SAMMSON: variants seen among roughly 807,000 people sequenced by gnomAD.
The protein encoded by SAMMSON is long intergenic non-protein coding RNA 1212.
chr3:70,165,356 G>A lies in SAMMSON; in HGVS notation n.508-83751G>A, dbSNP rs559063770. On this transcript the variant is annotated intron_variant and non_coding_transcript_variant, in intron 4 of 9. Transcript: ENST00000642114. ...ATTAGAGATGAGGCCTTTTGGAGGT[G>A]CTTAGATCATGAGGGCAGAGCCCCA... is the stretch of plus-strand genomic sequence containing the variant. 1.2e-4 allele frequency among the ~76,000 whole-genome samples: 19 copies of A among 152,072 alleles called. 1 individual carries two copies. The highest frequency in any genetic ancestry group is 7.8e-4 in the East Asian group (4 of 5,130).
At chr3:70,059,304 G>C (rs1314646763) in intron 3 of SAMMSON, among the ~76,000 whole-genome samples, 1 of 151,938 alleles carries the variant, frequency 6.6e-6, no homozygotes, top group African/African-American at 2.4e-5. Flanking sequence ...TAGTAGCCAG[G>C]GTTATTCAGA....
At chr3:70,199,073 A>G (rs1294731432) in intron 4 of SAMMSON, among the ~76,000 whole-genome samples, 1 of 152,212 alleles carries the variant, frequency 6.6e-6, no homozygotes, top group Non-Finnish European at 1.5e-5. Flanking sequence ...GTGATCCCTC[A>G]GGCTGAATGC....
Position 70,177,061 on chromosome 3 carries a change from G to T in SAMMSON, n.508-72046G>T, listed in dbSNP as rs559908683. ...GTATATACAAGAAAGATGATGCAGG[G>T]TGTTGAAGATCAGACATCCACCTAT... On this transcript the variant is annotated intron_variant and non_coding_transcript_variant, in intron 4 of 9. Coordinates refer to ENST00000642114, the Ensembl canonical transcript of SAMMSON. Among the ~76,000 whole-genome samples the T allele has an allele frequency of 2.0e-5, 3 of 152,306 alleles. No homozygotes were observed. The South Asian group carries it at 6.2e-4, about 32-fold the overall frequency.
chr3:70,084,047 T>C (rs919962124), intron 4 of SAMMSON, among the ~76,000 whole-genome samples: 2 of 152,314 alleles, frequency 1.3e-5, no homozygotes, highest in Non-Finnish European at 2.9e-5. Context: ...AGATTTACTA[T>C]GAAATATACC....
At position 70,105,623 on chromosome 3, in the gene SAMMSON, A is replaced by C. The variant is rs555814461; in HGVS notation, n.507+34058A>C. ...CTTATGCATGAGGCATTTTTAGCAA[A>C]TTGGACCCCATTTCAATCTTGATGA... On this transcript the variant is annotated intron_variant and non_coding_transcript_variant, in intron 4 of 9. Coordinates refer to ENST00000642114, the Ensembl canonical transcript of SAMMSON. Among the ~76,000 whole-genome samples, 4 of 152,164 alleles carry C rather than the reference A, an allele frequency of 2.6e-5. No homozygotes were observed. In the East Asian group the frequency reaches 7.7e-4, roughly 29 times the overall value.
At position 70,061,013 on chromosome 3, in the gene SAMMSON, C is replaced by T. The variant is rs59456397; in HGVS notation, n.418-10463C>T. Among the ~76,000 whole-genome samples, 388 of 151,936 alleles carry T rather than the reference C, an allele frequency of 2.6e-3. 4 individuals are homozygous for T. The highest frequency in any genetic ancestry group is 8.5e-3 in the African/African-American group (354 of 41,444). On this transcript the variant is annotated intron_variant and non_coding_transcript_variant, in intron 3 of 9. Transcript: ENST00000642114. Reference sequence around the variant, plus strand: ...AAGTCGTGAGAGCTTAAACTGGAGACGATGCCAATGAAAATGGAGGAAAAA... The same window carrying T: ...AAGTCGTGAGAGCTTAAACTGGAGATGATGCCAATGAAAATGGAGGAAAAA...
chr3:70,354,273 A>C (rs1702814040), exon 8 of SAMMSON: 1 of 152,206 alleles, frequency 6.6e-6, no homozygotes, highest in South Asian at 2.1e-4. Context: ...CCTCAAAACA[A>C]AAAGGTTAGT....
At chr3:70,137,369 T>A (rs920999536) in intron 4 of SAMMSON, among the ~76,000 whole-genome samples, 2 of 152,202 alleles carry the variant, frequency 1.3e-5, no homozygotes, top group East Asian at 3.8e-4. Context: ...TTTATATGGT[T>A]TATGAGCTAA....
intron 7 of SAMMSON, among the ~76,000 whole-genome samples, chr3:70,350,425 T>C: frequency 6.6e-6 from 1 of 152,120 alleles, no homozygotes. Context: ...TAAAGTATAG[T>C]ATTGGTATCT....
chr3:70,182,673 A>G (rs977987335), intron 4 of SAMMSON, among the ~76,000 whole-genome samples: 1 of 152,136 alleles, frequency 6.6e-6, no homozygotes, highest in African/African-American at 2.4e-5. Flanking sequence ...AATTTGGCTC[A>G]ATTTGACTCC....
At chr3:70,149,458 C>T (rs6549281) in intron 4 of SAMMSON, among the ~76,000 whole-genome samples, 1 of 151,850 alleles carries the variant, frequency 6.6e-6, no homozygotes, top group East Asian at 1.9e-4. Context: ...TTCAGCTGGG[C>T]GCTCATTAAA....
intron 9 of SAMMSON, among the ~76,000 whole-genome samples, chr3:70,372,610 T>C (rs1559575147): frequency 6.6e-6 from 1 of 152,160 alleles, no homozygotes; most frequent in African/African-American, 2.4e-5. Flanking sequence ...TATTTTTTAA[T>C]GTTGAGTTTT....
intron 3 of SAMMSON, among the ~76,000 whole-genome samples, chr3:70,050,259 C>T (rs557220787): frequency 6.6e-6 from 1 of 152,124 alleles, no homozygotes; most frequent in African/African-American, 2.4e-5. Flanking sequence ...GGCACATTTG[C>T]TCAGGTACAA....
At chr3:70,089,530 A>C (rs1237529111) in intron 4 of SAMMSON, among the ~76,000 whole-genome samples, 1 of 103,372 alleles carries the variant, frequency 9.7e-6, no homozygotes, top group Non-Finnish European at 1.9e-5. Flanking sequence ...TTTTTTAGGC[A>C]GATGGACGGG....
At chr3:70,382,635 T>G (rs1340093103) in intron 9 of SAMMSON, among the ~76,000 whole-genome samples, 1 of 148,850 alleles carries the variant, frequency 6.7e-6, no homozygotes, top group Non-Finnish European at 1.5e-5. Context: ...AGATAGCAAT[T>G]CTGTACACTA....
intron 4 of SAMMSON, among the ~76,000 whole-genome samples, chr3:70,203,501 A>G (rs1361665229): frequency 6.6e-6 from 1 of 152,180 alleles, no homozygotes; most frequent in Admixed American, 6.5e-5. Flanking sequence ...CTAACACTCA[A>G]GTCAGTTCTT....
chr3:70,102,287 T>C (rs1179367505), intron 4 of SAMMSON, among the ~76,000 whole-genome samples: 1 of 152,206 alleles, frequency 6.6e-6, no homozygotes, highest in Non-Finnish European at 1.5e-5. Flanking sequence ...GCTACCCAGA[T>C]GAAATATAAC....
At chr3:70,023,532 A>G (rs1411709308) in intron 3 of SAMMSON, among the ~76,000 whole-genome samples, 1 of 151,770 alleles carries the variant, frequency 6.6e-6, no homozygotes, top group Non-Finnish European at 1.5e-5. Context: ...TCCTGTAGTC[A>G]TGAATTTCTT....
At chr3:70,016,585 G>A (rs1288929715) in intron 3 of SAMMSON, among the ~76,000 whole-genome samples, 4 of 152,064 alleles carry the variant, frequency 2.6e-5, no homozygotes, top group African/African-American at 4.8e-5. Context: ...AAGCTCTTTA[G>A]TTTAATTAGA....
Sources: allele counts gnomAD v4.1 joint callset (sites outside exome capture counted in the v4.1 genomes callset), GRCh38; gene constraint gnomAD v4.1.1; transcripts MANE v1.5; gene names NCBI Gene and HGNC (gene_info 2026-07-23, HGNC 2026-07-21).